KCNK13: variants seen among roughly 807,000 people sequenced by gnomAD.
The protein encoded by KCNK13 is potassium two pore domain channel subfamily K member 13.
KCNK13 carries 12 observed loss-of-function variants against 23.4 expected under a neutral mutation model. The observed-to-expected ratio is 0.51, with a 90% CI of 0.33 to 0.83. The LOEUF (loss-of-function observed/expected upper bound fraction) is 0.83. Among genes scored for constraint, KCNK13 ranks in the 40% least tolerant of loss-of-function variants. The probability of loss-of-function intolerance (pLI) is 0.02; values close to 1 mark genes in which losing one functional copy is unlikely to be tolerated. For synonymous variants in KCNK13, 231 were observed against 229.5 expected, an observed-to-expected ratio of 1.01 and a Z score of -0.06; for missense variants, 463 against 556.3, an observed-to-expected ratio of 0.83 and a Z score of 1.69.
intron 1 of KCNK13, among the ~76,000 whole-genome samples, chr14:90,101,127 T>A (rs1889471529): frequency 1.3e-5 from 2 of 152,156 alleles, no homozygotes; most frequent in Non-Finnish European, 2.9e-5. Context: ...CATGGGCTGA[T>A]AATAATCACA....
At chr14:90,066,233 C>T (rs984861462) in intron 1 of KCNK13, among the ~76,000 whole-genome samples, 11 of 151,860 alleles carry the variant, frequency 7.2e-5, no homozygotes, top group African/African-American at 2.2e-4. Flanking sequence ...GTCTCAGCCT[C>T]CCAAAGTGCT....
chr14:90,130,324 T>C (rs1392297418), intron 1 of KCNK13, among the ~76,000 whole-genome samples: 1 of 151,686 alleles, frequency 6.6e-6, no homozygotes, highest in Non-Finnish European at 1.5e-5. Flanking sequence ...CTCAGCCTCC[T>C]GAGTAGCTGG....
intron 1 of KCNK13, among the ~76,000 whole-genome samples, chr14:90,146,984 T>C (rs1481874934): frequency 6.6e-6 from 1 of 152,184 alleles, no homozygotes; most frequent in Non-Finnish European, 1.5e-5. Flanking sequence ...TATAAGGTTA[T>C]AACCATTAAA....
intron 1 of KCNK13, among the ~76,000 whole-genome samples, chr14:90,168,177 C>A (rs928340434): frequency 2.6e-5 from 4 of 152,088 alleles, no homozygotes; most frequent in African/African-American, 9.7e-5. Context: ...AAGTCGAAGC[C>A]AGCCTGGACA....
chr14:90,118,749 G>A (rs962613357), intron 1 of KCNK13, among the ~76,000 whole-genome samples: 2 of 152,042 alleles, frequency 1.3e-5, no homozygotes, highest in African/African-American at 4.8e-5. Flanking sequence ...CCTGCATCCT[G>A]GCCAACACTT....
intron 1 of KCNK13, among the ~76,000 whole-genome samples, chr14:90,120,199 G>A: frequency 6.6e-6 from 1 of 152,148 alleles, no homozygotes; most frequent in Non-Finnish European, 1.5e-5. Flanking sequence ...AGTTTGCTAA[G>A]GATAATGGCC....
At chr14:90,066,321 G>A (rs1043095505) in intron 1 of KCNK13, among the ~76,000 whole-genome samples, 1 of 151,082 alleles carries the variant, frequency 6.6e-6, no homozygotes, top group Admixed American at 6.6e-5. Flanking sequence ...ATGGAGTGCA[G>A]TGGCATGAGC....
At position 90,062,262 on chromosome 14, in the gene KCNK13, C is replaced by G; in HGVS notation, c.57C>G (p.Arg19=). ...GCCACCTGAACGAGGACAACGCGCG[C>G]TTTCTGCTGCTGGCCGCGCTCATCG... The part of the protein sequence containing the change: ...GPGHLNEDNA[R]FLLLAALIVL... Residue 19 remains arginine (R), a synonymous_variant, in exon 1 of 2, where the codon CGC becomes CGG. Transcript: ENST00000282146. The surrounding 1 kb of genome is among the most constrained non-coding windows in gnomAD (Gnocchi z 4.5). 1.3e-6 allele frequency: 2 copies of G among 1,557,334 alleles called. No homozygotes were observed. The highest frequency in any genetic ancestry group is 1.8e-5 in the Admixed American group (1 of 55,752).
intron 1 of KCNK13, among the ~76,000 whole-genome samples, chr14:90,080,487 G>C (rs1188142215): frequency 2.0e-5 from 3 of 151,616 alleles, no homozygotes; most frequent in Non-Finnish European, 2.9e-5. Flanking sequence ...TAAAAAATTG[G>C]AAAAAAAGAA....
chr14:90,073,794 C>G (rs149905294), intron 1 of KCNK13, among the ~76,000 whole-genome samples: 1 of 151,942 alleles, frequency 6.6e-6, no homozygotes, highest in Non-Finnish European at 1.5e-5. Flanking sequence ...CCTCAGCCTC[C>G]GGAGTAGCTG....
At chr14:90,175,183 G>T (rs1890409391) in intron 1 of KCNK13, among the ~76,000 whole-genome samples, 1 of 152,066 alleles carries the variant, frequency 6.6e-6, no homozygotes, top group South Asian at 2.1e-4. Flanking sequence ...CTCCCTTCTT[G>T]GTCATCAAGT....
intron 1 of KCNK13, among the ~76,000 whole-genome samples, chr14:90,075,883 G>A (rs1388787061): frequency 6.6e-6 from 1 of 152,152 alleles, no homozygotes; most frequent in East Asian, 1.9e-4. Flanking sequence ...AACCCCATTG[G>A]ATCTCCTCAA....
At chr14:90,070,885 C>T (rs1468954887) in intron 1 of KCNK13, among the ~76,000 whole-genome samples, 1 of 152,120 alleles carries the variant, frequency 6.6e-6, no homozygotes, top group Non-Finnish European at 1.5e-5. Flanking sequence ...GTGAGAGGGC[C>T]ATACCTCTTC....
chr14:90,090,193 C>T (rs1215212884), intron 1 of KCNK13, among the ~76,000 whole-genome samples: 1 of 152,270 alleles, frequency 6.6e-6, no homozygotes, highest in African/African-American at 2.4e-5. Context: ...GCCATGAAAG[C>T]AGCCGGGAGG....
At chr14:90,152,103 G>A (rs1890139642) in intron 1 of KCNK13, among the ~76,000 whole-genome samples, 1 of 152,170 alleles carries the variant, frequency 6.6e-6, no homozygotes, top group South Asian at 2.1e-4. Flanking sequence ...TTGTGGGAGG[G>A]ACCAGATGGG....
chr14:90,064,329 C>CTT (rs1160095907), intron 1 of KCNK13, among the ~76,000 whole-genome samples: 2 of 120,890 alleles, frequency 1.7e-5, no homozygotes, highest in African/African-American at 5.0e-5. Context: ...AAAACCATCT[C>CTT]TTGGTGCTCC....
chr14:90,097,616 G>C (rs1030835676), intron 1 of KCNK13, among the ~76,000 whole-genome samples: 2 of 152,138 alleles, frequency 1.3e-5, no homozygotes, highest in African/African-American at 4.8e-5. Flanking sequence ...CTCATTGACT[G>C]CCACAAACTG....
chr14:90,085,837 A>G, intron 1 of KCNK13, among the ~76,000 whole-genome samples: 1 of 114,924 alleles, frequency 8.7e-6, no homozygotes, highest in Non-Finnish European at 1.7e-5. Context: ...TATATATTAT[A>G]TAGATATTAT....
intron 1 of KCNK13, among the ~76,000 whole-genome samples, chr14:90,174,204 T>C (rs908965699): frequency 6.6e-6 from 1 of 151,932 alleles, no homozygotes; most frequent in African/African-American, 2.4e-5. Context: ...CAGCTACTCA[T>C]GAGGCTGAGG....
Sources: allele counts gnomAD v4.1 joint callset (sites outside exome capture counted in the v4.1 genomes callset), GRCh38; gene constraint gnomAD v4.1.1; non-coding constraint Gnocchi (gnomAD v3.1); transcripts MANE v1.5; gene names NCBI Gene and HGNC (gene_info 2026-07-23, HGNC 2026-07-21).